TPD52: variants seen among roughly 807,000 people sequenced by gnomAD.
TPD52 encodes prostate and colon associated protein.
TPD52 carries 17 observed loss-of-function variants against 31.3 expected under a neutral mutation model. That is an observed-to-expected ratio of 0.54 (90% CI 0.37 to 0.82). TPD52 has a LOEUF of 0.82. Ranked by LOEUF, TPD52 falls within the 40% of genes least tolerant of loss-of-function variation. The pLI, the probability that TPD52 is intolerant of heterozygous loss-of-function variation, is 0.00. For missense variants in TPD52, 212 were observed against 240.1 expected (o/e 0.88, Z 0.77); for synonymous variants, 83 against 89.6 (o/e 0.93, Z 0.42).
chr8:80,164,112 G>C (rs1811556440), intron 1 of TPD52, among the ~76,000 whole-genome samples: 1 of 151,628 alleles, frequency 6.6e-6, no homozygotes. Context: ...AGATCTGCCA[G>C]CATGATTTTT....
chr8:80,123,679 G>A (rs1002379286), intron 1 of TPD52, among the ~76,000 whole-genome samples: 4 of 152,122 alleles, frequency 2.6e-5, no homozygotes, highest in African/African-American at 9.7e-5. Context: ...CCAAAGAAAC[G>A]GCTTATAAAT....
At chr8:80,080,588 T>C in intron 1 of TPD52, 3 of 1,404,040 alleles carry the variant, frequency 2.1e-6, no homozygotes, top group Non-Finnish European at 2.8e-6. Flanking sequence ...AGGCCCTGGC[T>C]TCTGGGCCCA....
At chr8:80,112,179 T>C (rs981678560) in intron 1 of TPD52, among the ~76,000 whole-genome samples, 1 of 152,228 alleles carries the variant, frequency 6.6e-6, no homozygotes, top group Non-Finnish European at 1.5e-5. Context: ...TACAAACAAT[T>C]GTAGCTAACA....
chr8:80,098,528 T>C (rs1232021997), intron 1 of TPD52, among the ~76,000 whole-genome samples: 2 of 152,166 alleles, frequency 1.3e-5, no homozygotes, highest in Non-Finnish European at 2.9e-5. Context: ...GTGGCAGAAA[T>C]AGCAAGGGAA....
intron 1 of TPD52, among the ~76,000 whole-genome samples, chr8:80,169,288 C>T (rs968258266): frequency 2.0e-5 from 3 of 152,126 alleles, no homozygotes; most frequent in South Asian, 4.1e-4. Context: ...GCCTTGGCCA[C>T]GTTGTTCTAA....
At chr8:80,128,815 T>G (rs1808817681) in intron 1 of TPD52, among the ~76,000 whole-genome samples, 2 of 151,978 alleles carry the variant, frequency 1.3e-5, no homozygotes, top group Non-Finnish European at 2.9e-5. Flanking sequence ...TTGCAGTAAA[T>G]TTTAAAGAAT....
intron 1 of TPD52, among the ~76,000 whole-genome samples, chr8:80,077,126 T>C (rs1175130481): frequency 6.6e-6 from 1 of 151,892 alleles, no homozygotes; most frequent in East Asian, 1.9e-4. Flanking sequence ...AATACAAAAA[T>C]TAGCACGATG....
intron 5 of TPD52, among the ~76,000 whole-genome samples, chr8:80,045,797 T>A (rs75613544): frequency 0.025 from 3,835 of 152,326 alleles, 173 homozygotes; most frequent in African/African-American, 0.086. Flanking sequence ...AAACTTTGTA[T>A]TTGTGCAACA....
chr8:80,086,119 T>G (rs1815741343), intron 1 of TPD52, among the ~76,000 whole-genome samples: 5 of 87,966 alleles, frequency 5.7e-5, no homozygotes, highest in Admixed American at 3.9e-4. Context: ...TTTTTTTAGT[T>G]TTTTTTTTTT....
At chr8:80,139,017 T>C (rs1369066862) in intron 1 of TPD52, among the ~76,000 whole-genome samples, 1 of 152,156 alleles carries the variant, frequency 6.6e-6, no homozygotes, top group Non-Finnish European at 1.5e-5. Context: ...GGAGCCACCG[T>C]CTCAGCCACC....
At chr8:80,096,989 CCTG>C (rs1448936048) in intron 1 of TPD52, among the ~76,000 whole-genome samples, 1 of 152,190 alleles carries the variant, frequency 6.6e-6, no homozygotes, top group Non-Finnish European at 1.5e-5. Flanking sequence ...ACCGCCTGCA[CCTG>C]CCAGGTTTTG....
chr8:80,053,207 C>T, intron 3 of TPD52, 75 bp downstream of exon 3: 6 of 1,486,534 alleles, frequency 4.0e-6, no homozygotes, highest in Admixed American at 4.1e-5. Flanking sequence ...TCCTCTTTTT[C>T]TTCCCCTCTC....
intron 1 of TPD52, among the ~76,000 whole-genome samples, chr8:80,093,087 G>GC (rs1816412988): frequency 6.6e-6 from 1 of 151,996 alleles, no homozygotes; most frequent in South Asian, 2.1e-4. Flanking sequence ...CACAAAGCAG[G>GC]CAAGTTCAGA....
chr8:80,151,187 T>C (rs932491759), intron 1 of TPD52, among the ~76,000 whole-genome samples: 9 of 152,292 alleles, frequency 5.9e-5, no homozygotes, highest in African/African-American at 2.2e-4. Context: ...TGTCACCATG[T>C]AAGACATGAC....
In TPD52 at chr8:80,122,916, C is replaced by A. The variant is rs1032152216; in HGVS notation, c.19+48509G>T. On this transcript the variant is annotated intron_variant, in intron 1 of 7. Coordinates refer to ENST00000518937, the MANE Select transcript of TPD52 (RefSeq NM_001025253.3). ...ATTCCACAGACAATAGTTTGGGAAA[C>A]CTTCACTGCTAGGCTGAGAATTCTG... 2.6e-5 allele frequency: 4 copies of A among 152,412 alleles called. No homozygotes were observed. The East Asian group carries it at 7.7e-4, about 29-fold the overall frequency. 9.4% of individuals were successfully genotyped at this position (152,412 alleles called of 1,614,324 possible).
intron 1 of TPD52, among the ~76,000 whole-genome samples, chr8:80,073,371 C>T (rs941131260): frequency 1.3e-5 from 2 of 152,214 alleles, no homozygotes; most frequent in Non-Finnish European, 2.9e-5. Flanking sequence ...CCTGAAACCC[C>T]ATCCCTATTT....
intron 1 of TPD52, among the ~76,000 whole-genome samples, chr8:80,083,628 G>C (rs984164348): frequency 2.0e-5 from 3 of 152,136 alleles, no homozygotes; most frequent in African/African-American, 7.2e-5. Flanking sequence ...ATGATTGTAA[G>C]TTTCCTGAAG....
At chr8:80,124,172 GTT>G (rs11321587) in intron 1 of TPD52, among the ~76,000 whole-genome samples, 13 of 146,412 alleles carry the variant, frequency 8.9e-5, no homozygotes, top group African/African-American at 1.3e-4. Context: ...CTCTCTTTTT[GTT>G]TTTTTTTTTT....
intron 1 of TPD52, among the ~76,000 whole-genome samples, chr8:80,089,183 C>A (rs1816061165): frequency 6.6e-6 from 1 of 152,196 alleles, no homozygotes. Context: ...CTGCATGGAA[C>A]AGAAGCGGGA....
Sources: allele counts gnomAD v4.1 joint callset (sites outside exome capture counted in the v4.1 genomes callset), GRCh38; gene constraint gnomAD v4.1.1; transcripts MANE v1.5; gene names NCBI Gene and HGNC (gene_info 2026-07-23, HGNC 2026-07-21).